Variants in SPECC1 observed in about 807,000 individuals in gnomAD.
SPECC1 encodes the protein cytospin-B.
A neutral mutation model predicts 104.1 loss-of-function variants in SPECC1; 62 were observed. That is an observed-to-expected ratio of 0.60 (90% CI 0.49 to 0.74). The LOEUF is 0.74. Among genes scored for constraint, SPECC1 ranks in the 30% least tolerant of loss-of-function variants. The probability of loss-of-function intolerance (pLI) is 0.00; values close to 1 mark genes in which losing one functional copy is unlikely to be tolerated. For synonymous variants in SPECC1, 513 were observed against 501.6 expected, an observed-to-expected ratio of 1.02 and a Z score of -0.30; for missense variants, 1,306 against 1,310.5, an observed-to-expected ratio of 1.00 and a Z score of 0.05.
chr17:20,056,425 A>G, intron 1 of SPECC1: 1 of 190,226 alleles, frequency 5.3e-6, no homozygotes. Context: ...CGCTTGTATC[A>G]TGGAGTGTCA....
intron 3 of SPECC1, among the ~76,000 whole-genome samples, chr17:20,123,248 G>A (rs1597759532): frequency 6.6e-6 from 1 of 152,188 alleles, no homozygotes; most frequent in East Asian, 1.9e-4. Flanking sequence ...GCACACGTGG[G>A]ATCCAAAGAC....
chr17:20,177,157 A>G (rs1252728230), intron 3 of SPECC1, among the ~76,000 whole-genome samples: 1 of 152,246 alleles, frequency 6.6e-6, no homozygotes, highest in African/African-American at 2.4e-5. Context: ...AACACTTGCT[A>G]AGAAATAGAC....
intron 3 of SPECC1, among the ~76,000 whole-genome samples, chr17:20,171,825 T>G (rs1292908193): frequency 3.3e-5 from 5 of 152,208 alleles, no homozygotes; most frequent in African/African-American, 9.7e-5. Context: ...GCTCTGGGGC[T>G]TCTTGATGGC....
intron 3 of SPECC1, among the ~76,000 whole-genome samples, chr17:20,125,476 T>C (rs2049253559): frequency 6.6e-6 from 1 of 152,248 alleles, no homozygotes. Context: ...TCAGGGGCAA[T>C]GCTGCATAGC....
chr17:20,276,599 T>A (rs2040584306), intron 12 of SPECC1, among the ~76,000 whole-genome samples: 1 of 152,250 alleles, frequency 6.6e-6, no homozygotes, highest in Admixed American at 6.5e-5. Context: ...AGTAGACTTC[T>A]CTTGCTGGCT....
intron 1 of SPECC1, among the ~76,000 whole-genome samples, chr17:20,087,996 G>A (rs1164510714): frequency 1.3e-5 from 2 of 152,176 alleles, no homozygotes; most frequent in Non-Finnish European, 2.9e-5. Flanking sequence ...GGGAACAGCA[G>A]GGTCAGAGCT....
intron 12 of SPECC1, among the ~76,000 whole-genome samples, chr17:20,284,334 G>A (rs2040872258): frequency 6.6e-6 from 1 of 152,258 alleles, no homozygotes; most frequent in African/African-American, 2.4e-5. Context: ...ATGGAATGGG[G>A]CATCAGAAAG....
chr17:20,209,384 C>T lies in SPECC1; in HGVS notation c.1863+3472C>T, dbSNP rs116522816. ...AACCATCCTATGATCTAATAGATTC[C>T]GTAAATCTATGTAAGTTTCAAGTTA... is the stretch of plus-strand genomic sequence containing the variant. On this transcript the variant is annotated intron_variant, in intron 4 of 14. Coordinates refer to ENST00000395527, the MANE Select transcript of SPECC1 (RefSeq NM_001243439.2). Among the ~76,000 whole-genome samples the T allele has an allele frequency of 3.3e-3, 501 of 152,172 alleles. 3 individuals carry two copies. Among genetic ancestry groups the T allele is most frequent in the African/African-American group, 0.011 (476 of 41,518 alleles).
intron 7 of SPECC1, chr17:20,236,718 C>A: frequency 2.1e-5 from 15 of 704,368 alleles, no homozygotes; most frequent in Admixed American, 2.8e-5. Context: ...AACAGTAGGA[C>A]TTAAAATCTG....
At chr17:20,239,171 C>T in intron 7 of SPECC1, 2 of 1,025,258 alleles carry the variant, frequency 2.0e-6, no homozygotes, top group Non-Finnish European at 2.3e-6. Flanking sequence ...GACTTAAAGT[C>T]TAGATGTGTT....
At chr17:20,303,334 A>G (rs2041654174) in intron 13 of SPECC1, among the ~76,000 whole-genome samples, 1 of 152,218 alleles carries the variant, frequency 6.6e-6, no homozygotes, top group African/African-American at 2.4e-5. Flanking sequence ...TGTTAGGGTA[A>G]CAAGTGTGCA....
intron 1 of SPECC1, among the ~76,000 whole-genome samples, chr17:20,094,823 C>T (rs1374909353): frequency 6.6e-6 from 1 of 152,182 alleles, no homozygotes; most frequent in Non-Finnish European, 1.5e-5. Flanking sequence ...TGGTCTCAAA[C>T]TCCTAGACTC....
At chr17:20,107,912 G>A (rs551131177) in intron 2 of SPECC1, among the ~76,000 whole-genome samples, 2 of 152,296 alleles carry the variant, frequency 1.3e-5, no homozygotes, top group African/African-American at 4.8e-5. Context: ...TTGGGAGGCT[G>A]AGGCAGGAAA....
At chr17:20,290,706 G>A (rs980060520) in intron 12 of SPECC1, among the ~76,000 whole-genome samples, 1 of 151,982 alleles carries the variant, frequency 6.6e-6, no homozygotes, top group Non-Finnish European at 1.5e-5. Context: ...TGGTAGACGT[G>A]AGGTTTCACC....
intron 4 of SPECC1, among the ~76,000 whole-genome samples, chr17:20,210,993 C>T (rs1476583234): frequency 1.3e-5 from 2 of 152,222 alleles, no homozygotes; most frequent in African/African-American, 4.8e-5. Context: ...TTCAGCGAGG[C>T]ATTCAGCTCT....
chr17:20,231,825 G>T lies in SPECC1; in HGVS notation c.2139G>T (p.Gln713His), dbSNP rs2038598139. The change falls in exon 6 of 15, where the codon CAG (glutamine) becomes CAT (histidine). Residue 713 changes from glutamine to histidine, a missense_variant. Coordinates refer to ENST00000395527, the MANE Select transcript of SPECC1 (RefSeq NM_001243439.2). ...GGCAGCTGAAGACTCTGACCAAGCA[G>T]ATGAAGGTGAGATGCGGGTGGGAGC... ...LERQLKTLTK[Q>H]MKEETEEWRR... The T allele has an allele frequency of 1.9e-6, 3 of 1,614,116 alleles. No homozygotes were observed. Among genetic ancestry groups the T allele is most frequent in the Non-Finnish European group, 2.5e-6 (3 of 1,180,002 alleles).
At chr17:20,032,424 C>CA (rs1371309989) in intron 1 of SPECC1, among the ~76,000 whole-genome samples, 2 of 152,164 alleles carry the variant, frequency 1.3e-5, no homozygotes, top group East Asian at 3.9e-4. Flanking sequence ...TGGTGTGCCA[C>CA]ATTTTGCTGA....
chr17:20,291,502 C>T (rs768302337), intron 12 of SPECC1, among the ~76,000 whole-genome samples: 1 of 152,192 alleles, frequency 6.6e-6, no homozygotes, highest in Non-Finnish European at 1.5e-5. Flanking sequence ...TGCACAGTGA[C>T]AGGCTTATCA....
intron 4 of SPECC1, among the ~76,000 whole-genome samples, chr17:20,212,645 A>G (rs1474284772): frequency 4.6e-5 from 7 of 152,214 alleles, no homozygotes; most frequent in Admixed American, 2.0e-4. Context: ...GATGAGATTT[A>G]GGTGGGGAGG....
Sources: allele counts gnomAD v4.1 joint callset (sites outside exome capture counted in the v4.1 genomes callset), GRCh38; gene constraint gnomAD v4.1.1; transcripts MANE v1.5; gene names NCBI Gene and HGNC (gene_info 2026-07-23, HGNC 2026-07-21).